Variants in WWOX observed in about 807,000 individuals in gnomAD.
WWOX encodes the protein WW domain containing oxidoreductase, also known as WW domain-containing oxidoreductase.
In WWOX, 69 loss-of-function variants were observed where a neutral mutation model predicts 46.2. The ratio of observed to expected loss-of-function variants is 1.49; its 90% CI spans 1.23 to 1.82. The LOEUF is 1.82. Among genes scored for constraint, WWOX ranks in the 40% most tolerant of loss-of-function variants. The probability of loss-of-function intolerance (pLI) is 0.00; values close to 1 mark genes in which losing one functional copy is unlikely to be tolerated. For synonymous variants in WWOX, 359 were observed against 202.6 expected (o/e 1.77, Z -6.56); for missense variants, 919 against 542.6 (o/e 1.69, Z -6.89).
chr16:78,267,289 T>A (rs190642553), intron 5 of WWOX, among the ~76,000 whole-genome samples: 4 of 152,376 alleles, frequency 2.6e-5, no homozygotes, highest in Admixed American at 2.6e-4. Context: ...AGTTGTTCTT[T>A]CTGCTTCATT....
At chr16:78,476,371 C>G (rs2084348702) in intron 8 of WWOX, among the ~76,000 whole-genome samples, 1 of 152,162 alleles carries the variant, frequency 6.6e-6, no homozygotes, top group Non-Finnish European at 1.5e-5. Flanking sequence ...AAACCAAACA[C>G]CGCATGTTCT....
At chr16:78,336,006 C>A (rs536572717) in intron 5 of WWOX, among the ~76,000 whole-genome samples, 1 of 151,938 alleles carries the variant, frequency 6.6e-6, no homozygotes, top group Non-Finnish European at 1.5e-5. Context: ...GCAGGAGAAT[C>A]GCTTGAACCT....
At chr16:79,134,713 G>A (rs1406378640) in intron 8 of WWOX, among the ~76,000 whole-genome samples, 2 of 152,140 alleles carry the variant, frequency 1.3e-5, no homozygotes, top group African/African-American at 4.8e-5. Flanking sequence ...AAGGGACTTG[G>A]GGCTCAGAGA....
At chr16:78,902,435 C>CG (rs2044853463) in intron 8 of WWOX, among the ~76,000 whole-genome samples, 1 of 152,198 alleles carries the variant, frequency 6.6e-6, no homozygotes, top group South Asian at 2.1e-4. Context: ...CCACGCGGGG[C>CG]GGGCGGGAGA....
At chr16:78,180,255 G>T (rs962239093) in intron 5 of WWOX, among the ~76,000 whole-genome samples, 1 of 152,186 alleles carries the variant, frequency 6.6e-6, no homozygotes, top group Non-Finnish European at 1.5e-5. Flanking sequence ...CTGTGATGCA[G>T]AGTGGACTCA....
At chr16:78,917,248 C>A (rs1008759291) in intron 8 of WWOX, among the ~76,000 whole-genome samples, 2 of 152,178 alleles carry the variant, frequency 1.3e-5, no homozygotes, top group Non-Finnish European at 2.9e-5. Flanking sequence ...CCAAAGCTCA[C>A]GAACTGAGAG....
chr16:78,324,466 C>T (rs2080564116), intron 5 of WWOX, among the ~76,000 whole-genome samples: 1 of 152,030 alleles, frequency 6.6e-6, no homozygotes, highest in South Asian at 2.1e-4. Context: ...AAAACATGGA[C>T]CAAGACTTGT....
chr16:78,492,089 C>A (rs1199241398), intron 8 of WWOX, among the ~76,000 whole-genome samples: 2 of 152,098 alleles, frequency 1.3e-5, no homozygotes, highest in African/African-American at 4.8e-5. Context: ...ACTTAGCATT[C>A]TCAGATTCCC....
chr16:78,123,440 G>GTTTTTTGTTTT (rs2033202143), intron 4 of WWOX: 1 of 50,500 alleles, frequency 2.0e-5, no homozygotes, highest in African/African-American at 8.4e-5. Context: ...TTTTTGTTTT[G>GTTTTTTGTTTT]TTTTTTTTTT....
chr16:78,673,404 C>G (rs1000914225), intron 8 of WWOX, among the ~76,000 whole-genome samples: 1 of 152,154 alleles, frequency 6.6e-6, no homozygotes, highest in Non-Finnish European at 1.5e-5. Flanking sequence ...GTTATCTTAG[C>G]CAACTGTGAA....
At chr16:79,072,420 G>C (rs534115472) in intron 8 of WWOX, among the ~76,000 whole-genome samples, 42 of 152,300 alleles carry the variant, frequency 2.8e-4, no homozygotes, top group African/African-American at 9.9e-4. Context: ...AATTTCATGA[G>C]TGTTCACCTT....
chr16:78,931,171 C>T (rs1036800199), intron 8 of WWOX, among the ~76,000 whole-genome samples: 4 of 152,136 alleles, frequency 2.6e-5, no homozygotes, highest in Admixed American at 1.3e-4. Context: ...CAGAGCTATA[C>T]GCACATCCGT....
intron 8 of WWOX, among the ~76,000 whole-genome samples, chr16:78,651,201 T>G (rs1224791912): frequency 6.6e-6 from 1 of 152,244 alleles, no homozygotes; most frequent in Non-Finnish European, 1.5e-5. Flanking sequence ...TACAGCATCT[T>G]TACTTAATCT....
intron 8 of WWOX, among the ~76,000 whole-genome samples, chr16:78,820,797 C>G (rs933031724): frequency 6.6e-6 from 1 of 152,108 alleles, no homozygotes; most frequent in African/African-American, 2.4e-5. Flanking sequence ...GGGTTCGTTC[C>G]TTCTGGAAGC....
chr16:78,821,602 A>G (rs1163111058), intron 8 of WWOX, among the ~76,000 whole-genome samples: 2 of 152,168 alleles, frequency 1.3e-5, no homozygotes, highest in East Asian at 3.9e-4. Flanking sequence ...TTTTATACCC[A>G]TATATGTGTC....
chr16:79,035,822 G>A (rs2047855485), intron 8 of WWOX, among the ~76,000 whole-genome samples: 1 of 152,176 alleles, frequency 6.6e-6, no homozygotes, highest in Non-Finnish European at 1.5e-5. Flanking sequence ...GGCCAAGTTG[G>A]TGCTGTGAAC....
At chr16:79,090,587 G>C (rs1391043237) in intron 8 of WWOX, among the ~76,000 whole-genome samples, 1 of 152,186 alleles carries the variant, frequency 6.6e-6, no homozygotes, top group African/African-American at 2.4e-5. Context: ...AGGACAGGAA[G>C]ACGATGCTGT....
rs13330261 is a variant in WWOX, at chr16:78,144,525, T to A, written c.410-19658T>A. Among the ~76,000 whole-genome samples the A allele has an allele frequency of 2.7e-3, 77 of 29,040 alleles. 4 individuals carry two copies. Among genetic ancestry groups the A allele is most frequent in the African/African-American group, 6.2e-3 (43 of 6,952 alleles). 19.1% of individuals were successfully genotyped at this position (29,040 alleles called of 152,430 possible). ...CATATATATATATATATATATATAT[T>A]TTTTTTTTTTTTTGGAGATGGAGTT... is the stretch of plus-strand genomic sequence containing the variant. On this transcript the variant is annotated intron_variant, in intron 4 of 8. Coordinates refer to ENST00000566780, the MANE Select transcript of WWOX (RefSeq NM_016373.4).
intron 8 of WWOX, among the ~76,000 whole-genome samples, chr16:78,450,141 A>G (rs752303525): frequency 1.3e-5 from 2 of 152,214 alleles, no homozygotes; most frequent in Non-Finnish European, 2.9e-5. Flanking sequence ...AAAAATGTAT[A>G]ATAAAGTATC....
Sources: allele counts gnomAD v4.1 joint callset (sites outside exome capture counted in the v4.1 genomes callset), GRCh38; gene constraint gnomAD v4.1.1; transcripts MANE v1.5; gene names NCBI Gene and HGNC (gene_info 2026-07-23, HGNC 2026-07-21).